Variants in BPIFB6 observed in about 807,000 individuals in gnomAD.
BPIFB6 encodes BPI fold containing family B member 6.
BPIFB6 carries 47 observed loss-of-function variants against 54.7 expected under a neutral mutation model. The observed-to-expected ratio is 0.86, with a 90% CI of 0.68 to 1.10. BPIFB6 has a LOEUF of 1.10. Among genes scored for constraint, BPIFB6 ranks in the 50% least tolerant of loss-of-function variants. The pLI, the probability that BPIFB6 is intolerant of heterozygous loss-of-function variation, is 0.00. For missense variants in BPIFB6, 603 were observed against 564.1 expected, an observed-to-expected ratio of 1.07 and a Z score of -0.70; for synonymous variants, 255 against 225.9, an observed-to-expected ratio of 1.13 and a Z score of -1.16.
chr20:33,034,851 G>A lies in BPIFB6; in HGVS notation c.391G>A (p.Val131Met), dbSNP rs144882396. ...GCGGGATGAGGAGACAGGCCTCCCC[G>A]TGTTCAAGAGTGAGGGCTGTGAGGT... is the stretch of plus-strand genomic sequence containing the variant. Reference protein sequence around the residue: ...LLRDEETGLPVFKSEGCEVIL... With the variant: ...LLRDEETGLPMFKSEGCEVIL... Residue 131 changes from valine (V) to methionine (M), a missense_variant, in exon 4 of 15, where the codon GTG becomes ATG. Val to Met is a conservative substitution (Grantham distance 21, BLOSUM62 1). Coordinates refer to ENST00000349552, the MANE Select transcript of BPIFB6 (RefSeq NM_174897.2). 1.4e-4 allele frequency: 229 copies of A among 1,613,642 alleles called. No individual in the cohort carries two copies. The highest frequency in any genetic ancestry group is 1.0e-3 in the East Asian group (46 of 44,878).
chr20:33,038,395 C>T (rs192737190), intron 8 of BPIFB6, among the ~76,000 whole-genome samples: 2 of 152,282 alleles, frequency 1.3e-5, no homozygotes, highest in East Asian at 3.9e-4. Flanking sequence ...ATTTTCCCAT[C>T]CATTTATCAT....
intron 3 of BPIFB6, 38 bp downstream of exon 3, chr20:33,034,328 G>A (rs544142090): frequency 1.2e-5 from 17 of 1,400,020 alleles, no homozygotes; most frequent in South Asian, 4.6e-5. Context: ...GGAGGAGAAC[G>A]GCCTTCCTGT....
chr20:33,035,717 A>G (rs773573123), intron 6 of BPIFB6, 45 bp downstream of exon 6: 2 of 1,575,940 alleles, frequency 1.3e-6, no homozygotes, highest in Non-Finnish European at 8.7e-7. Context: ...TAGGGATATC[A>G]GGATAGATAG....
intron 7 of BPIFB6, 45 bp from the exon 8 acceptor site, chr20:33,037,514 ACAT>A (rs1568986401): frequency 6.4e-7 from 1 of 1,555,180 alleles, no homozygotes; most frequent in Admixed American, 1.9e-5. Flanking sequence ...CTCCTGGCCA[ACAT>A]CCCTCTCGGC....
intron 3 of BPIFB6, among the ~76,000 whole-genome samples, chr20:33,034,499 G>A (rs867872192): frequency 6.6e-6 from 1 of 152,202 alleles, no homozygotes; most frequent in Non-Finnish European, 1.5e-5. Flanking sequence ...TTGAACAGTG[G>A]TGGCGGATGG....
intron 8 of BPIFB6, 117 bp downstream of exon 8, chr20:33,037,855 T>A: frequency 8.8e-7 from 1 of 1,139,322 alleles, no homozygotes; most frequent in Non-Finnish European, 1.3e-6. Context: ...GACTGGAAGA[T>A]GCAGGACCGA....
At chr20:33,043,427 G>A in intron 14 of BPIFB6, 60 bp downstream of exon 14, 2 of 1,485,476 alleles carry the variant, frequency 1.3e-6, no homozygotes, top group Non-Finnish European at 1.9e-6. Flanking sequence ...TGAGTGATGA[G>A]CAAGAGCCTA....
In BPIFB6 at chr20:33,041,993, C is replaced by T. The variant is rs577457358; in HGVS notation, c.1166C>T (p.Ser389Phe). Reference protein sequence around the residue: ...LDRLLSLSRKSSSIGNFNERE... With the variant: ...LDRLLSLSRKFSSIGNFNERE... ...AGATTACTGAGCTTGTCCCGGAAGTCCTCATCGATTGGCAACTTCAATGTA... is the reference window on the plus strand; with the variant it reads ...AGATTACTGAGCTTGTCCCGGAAGTTCTCATCGATTGGCAACTTCAATGTA... The change falls in exon 12 of 15, where the codon TCC becomes TTC. Residue 389 changes from serine (S) to phenylalanine (F), a missense_variant. By Grantham distance (155) the Ser-to-Phe change is radical. Transcript: ENST00000349552. 28 of 1,614,048 alleles carry T rather than the reference C, an allele frequency of 1.7e-5. No homozygotes were observed. Among genetic ancestry groups the T allele is most frequent in the Middle Eastern group, 1.6e-4 (1 of 6,084 alleles).
chr20:33,037,835 G>A (rs982417087), intron 8 of BPIFB6, 97 bp downstream of exon 8: 1 of 1,354,760 alleles, frequency 7.4e-7, no homozygotes, highest in Non-Finnish European at 1.0e-6. Context: ...GGCCTTGTGG[G>A]CAACACTAGG....
At chr20:33,041,873 G>A (rs995917779) in intron 11 of BPIFB6, 97 bp from the exon 12 acceptor site, 63 of 1,118,484 alleles carry the variant, frequency 5.6e-5, no homozygotes, top group African/African-American at 1.8e-4. Context: ...TCAGGGAGGC[G>A]TTGGGGTGCT....
intron 7 of BPIFB6, 62 bp from the exon 8 acceptor site, chr20:33,037,500 G>T: frequency 2.0e-6 from 3 of 1,507,008 alleles, no homozygotes; most frequent in Non-Finnish European, 2.7e-6. Context: ...GGAGGACTGA[G>T]ACACTCCTGG....
chr20:33,033,303 T>A, intron 2 of BPIFB6: 1 of 648,002 alleles, frequency 1.5e-6, no homozygotes, highest in Non-Finnish European at 2.9e-6. Flanking sequence ...TGCTTTGTAG[T>A]GAGCAGGGTC....
rs451899 is a variant in BPIFB6, at chr20:33,043,508, T to A, written c.1329+141T>A. ...ATCAATATAATCCTGCCCCTCAGAA[T>A]CTAGAACACTCCTTGACCAGGGATT... On this transcript the variant is annotated intron_variant, in intron 14 of 14. Coordinates refer to ENST00000349552, the MANE Select transcript of BPIFB6 (RefSeq NM_174897.2). 80 of 725,450 alleles carry A rather than the reference T, an allele frequency of 1.1e-4. No homozygotes were observed. In the East Asian group the frequency reaches 2.0e-3, roughly 18 times the overall value. 44.9% of individuals were successfully genotyped at this position (725,450 alleles called of 1,614,324 possible). A position where few individuals can be genotyped will look rare whatever the true frequency, so the allele number is the denominator to read the frequency against.
At chr20:33,035,350 G>T (rs915377396) in intron 5 of BPIFB6, among the ~76,000 whole-genome samples, 1 of 152,184 alleles carries the variant, frequency 6.6e-6, no homozygotes, top group African/African-American at 2.4e-5. Context: ...ATGACAGCCT[G>T]CATGCACAGC....
At chr20:33,042,062 G>T in intron 12 of BPIFB6, 47 bp downstream of exon 12, 1 of 1,577,542 alleles carries the variant, frequency 6.3e-7, no homozygotes, top group Non-Finnish European at 8.7e-7. Flanking sequence ...GGACAAGACT[G>T]GGCCTATTCT....
chr20:33,032,276 C>T (rs1979136239), intron 1 of BPIFB6, among the ~76,000 whole-genome samples: 1 of 152,194 alleles, frequency 6.6e-6, no homozygotes, highest in South Asian at 2.1e-4. Context: ...GAGTCACATC[C>T]AGGTACAAAA....
intron 8 of BPIFB6, 80 bp downstream of exon 8, chr20:33,037,818 T>A (rs1011086260): frequency 2.6e-6 from 4 of 1,511,894 alleles, no homozygotes; most frequent in Non-Finnish European, 3.6e-6. Flanking sequence ...ATCATGAAAA[T>A]TATCCTGGCC....
intron 11 of BPIFB6, among the ~76,000 whole-genome samples, chr20:33,041,724 G>A (rs1279573376): frequency 6.6e-6 from 1 of 152,210 alleles, no homozygotes; most frequent in Non-Finnish European, 1.5e-5. Context: ...GTCCCAGAGG[G>A]AAGAGTCAGG....
chr20:33,034,116 G>A (rs1979220665), intron 2 of BPIFB6, 70 bp from the exon 3 acceptor site: 1 of 1,075,900 alleles, frequency 9.3e-7, no homozygotes, highest in Non-Finnish European at 1.5e-6. Context: ...CAGTAAAGTG[G>A]TGAAGTGGGT....
Sources: gnomAD v4.1 joint callset for allele counts (sites outside exome capture counted in the v4.1 genomes callset) on GRCh38, gnomAD v4.1.1 for gene constraint, MANE v1.5 for transcripts, NCBI Gene and HGNC (gene_info 2026-07-23, HGNC 2026-07-21) for gene names.